CLDN10: variants seen among roughly 807,000 people sequenced by gnomAD.
The protein encoded by CLDN10 is claudin 10, also known as claudin-10.
A neutral mutation model predicts 22.9 loss-of-function variants in CLDN10; 15 were observed. That is an observed-to-expected ratio of 0.65 (90% CI 0.44 to 1.01). The LOEUF (loss-of-function observed/expected upper bound fraction) is 1.01. Among genes scored for constraint, CLDN10 ranks in the 50% least tolerant of loss-of-function variants. The pLI is 0.00. For synonymous variants in CLDN10, 114 were observed against 111.4 expected (o/e 1.02, Z -0.15); for missense variants, 247 against 287.8 (o/e 0.86, Z 1.03).
intron 1 of CLDN10, among the ~76,000 whole-genome samples, chr13:95,471,453 A>ATATATATATTTTTT (rs776857009): frequency 9.4e-6 from 1 of 106,414 alleles, no homozygotes; most frequent in African/African-American, 4.0e-5. Flanking sequence ...ATATATATAT[A>ATATATATATTTTTT]TTTTTTTTTT....
intron 1 of CLDN10, among the ~76,000 whole-genome samples, chr13:95,493,041 A>G (rs892328368): frequency 6.6e-6 from 1 of 152,144 alleles, no homozygotes; most frequent in African/African-American, 2.4e-5. Flanking sequence ...TGTGTCCTGC[A>G]GGGGCAGTCC....
At chr13:95,484,844 T>G (rs1199376136) in intron 1 of CLDN10, among the ~76,000 whole-genome samples, 2 of 106,932 alleles carry the variant, frequency 1.9e-5, no homozygotes, top group African/African-American at 3.4e-5. Flanking sequence ...CCAGCCTGGG[T>G]AACAAAGTGA....
rs533373095 is a variant in CLDN10 at position 95,578,650 on chromosome 13, T to C, written c.*636T>C. ...CACATGCCCATGGCCACTCAGTAGA[T>C]TGTTGAAAAAGCAAAGCCACACCAT... On this transcript the variant is annotated 3_prime_UTR_variant, in exon 5 of 5. Coordinates refer to ENST00000299339, the MANE Select transcript of CLDN10 (RefSeq NM_006984.5). The C allele has an allele frequency of 5.9e-5, 9 of 152,340 alleles. No homozygotes were observed. Among genetic ancestry groups the C allele is most frequent in the African/African-American group, 1.7e-4 (7 of 41,568 alleles). The allele number at this position is 152,340 out of a possible 1,614,324, so 9.4% of individuals were successfully genotyped here. A position where few individuals can be genotyped will look rare whatever the true frequency, so the allele number is the denominator to read the frequency against.
At chr13:95,493,251 T>G (rs2042894958) in intron 1 of CLDN10, among the ~76,000 whole-genome samples, 1 of 150,124 alleles carries the variant, frequency 6.7e-6, no homozygotes, top group African/African-American at 2.4e-5. Flanking sequence ...CGGGTGCCCC[T>G]TCCTTGCCAG....
intron 1 of CLDN10, among the ~76,000 whole-genome samples, chr13:95,491,123 T>G (rs2042868111): frequency 6.6e-6 from 1 of 152,222 alleles, no homozygotes; most frequent in Admixed American, 6.5e-5. Flanking sequence ...TTTCCACCCC[T>G]TTACTTTAAG....
intron 1 of CLDN10, among the ~76,000 whole-genome samples, chr13:95,492,264 G>T (rs777287682): frequency 2.4e-4 from 37 of 152,070 alleles, no homozygotes; most frequent in African/African-American, 8.7e-4. Flanking sequence ...CTACCAGGGC[G>T]GGTAGGGAAG....
chr13:95,528,670 G>A (rs1482450837), intron 1 of CLDN10: 1 of 152,190 alleles, frequency 6.6e-6, no homozygotes, highest in Non-Finnish European at 1.5e-5. Context: ...TCTCCTGAAA[G>A]ACTGATAGCC....
chr13:95,504,441 C>G (rs1368307825), intron 1 of CLDN10, among the ~76,000 whole-genome samples: 2 of 152,008 alleles, frequency 1.3e-5, no homozygotes, highest in African/African-American at 4.8e-5. Context: ...GTGCAGTGGC[C>G]TGATCTCAGC....
At chr13:95,446,216 G>A (rs2042377785) in intron 1 of CLDN10, among the ~76,000 whole-genome samples, 1 of 152,220 alleles carries the variant, frequency 6.6e-6, no homozygotes, top group Non-Finnish European at 1.5e-5. Flanking sequence ...GTTCTGCTAA[G>A]AGGCTGTAGA....
intron 1 of CLDN10, among the ~76,000 whole-genome samples, chr13:95,470,050 C>T (rs948506835): frequency 1.3e-5 from 2 of 152,132 alleles, no homozygotes; most frequent in African/African-American, 4.8e-5. Flanking sequence ...CAATAAACCA[C>T]CACTACATAC....
chr13:95,533,007 C>A (rs2043361878), intron 1 of CLDN10, among the ~76,000 whole-genome samples: 1 of 151,702 alleles, frequency 6.6e-6, no homozygotes, highest in African/African-American at 2.4e-5. Flanking sequence ...TATGAGAGAA[C>A]TTTCTAGAAA....
intron 1 of CLDN10, among the ~76,000 whole-genome samples, chr13:95,540,921 G>A (rs1229896390): frequency 6.6e-6 from 1 of 152,216 alleles, no homozygotes; most frequent in Non-Finnish European, 1.5e-5. Flanking sequence ...TCTTGTGGAC[G>A]TGTCATGTTT....
At chr13:95,477,967 G>C (rs2042701816) in intron 1 of CLDN10, among the ~76,000 whole-genome samples, 1 of 152,154 alleles carries the variant, frequency 6.6e-6, no homozygotes, top group South Asian at 2.1e-4. Context: ...CTAAAACAGT[G>C]GTTCTCAAAA....
intron 1 of CLDN10, among the ~76,000 whole-genome samples, chr13:95,510,887 C>T (rs1182034481): frequency 1.3e-5 from 2 of 152,206 alleles, no homozygotes; most frequent in East Asian, 3.9e-4. Flanking sequence ...TTACTGACTA[C>T]CTTGCTATGT....
At chr13:95,436,159 T>C (rs1204805445) in intron 1 of CLDN10, among the ~76,000 whole-genome samples, 1 of 152,068 alleles carries the variant, frequency 6.6e-6, no homozygotes, top group Non-Finnish European at 1.5e-5. Flanking sequence ...GGTCCAGATA[T>C]CTCTCACCCT....
At chr13:95,554,162 T>C (rs956107968) in intron 1 of CLDN10, among the ~76,000 whole-genome samples, 5 of 152,182 alleles carry the variant, frequency 3.3e-5, no homozygotes, top group African/African-American at 1.2e-4. Flanking sequence ...CGGGTCCGTG[T>C]CCTGTTCGGT....
chr13:95,535,899 T>A (rs959866712), intron 1 of CLDN10, among the ~76,000 whole-genome samples: 2 of 151,998 alleles, frequency 1.3e-5, no homozygotes. Context: ...ACTGAGCAAC[T>A]ATGAAAAAGG....
At chr13:95,434,373 C>T (rs1326226956) in intron 1 of CLDN10, among the ~76,000 whole-genome samples, 2 of 151,826 alleles carry the variant, frequency 1.3e-5, no homozygotes, top group African/African-American at 2.4e-5. Context: ...GATGGGTCAG[C>T]ACCCCTATGT....
intron 1 of CLDN10, among the ~76,000 whole-genome samples, chr13:95,491,587 A>G (rs1173772423): frequency 6.6e-6 from 1 of 151,924 alleles, no homozygotes; most frequent in Non-Finnish European, 1.5e-5. Flanking sequence ...TTTTCTGGAT[A>G]CTTTTGCATT....
Sources: gnomAD v4.1 joint callset for allele counts (sites outside exome capture counted in the v4.1 genomes callset) on GRCh38, gnomAD v4.1.1 for gene constraint, MANE v1.5 for transcripts, NCBI Gene and HGNC (gene_info 2026-07-23, HGNC 2026-07-21) for gene names.